Variants in STK3 observed in about 807,000 individuals in gnomAD.
STK3 encodes the protein serine/threonine kinase 3.
In STK3, 41 loss-of-function variants were observed where a neutral mutation model predicts 58.0. The ratio of observed to expected loss-of-function variants is 0.71; its 90% confidence interval spans 0.55 to 0.92. The LOEUF (loss-of-function observed/expected upper bound fraction) is 0.92, where lower values mean the gene tolerates loss of function less well. STK3 is among the 40% of genes least tolerant of loss of function. The probability of loss-of-function intolerance (pLI) is 0.00; values close to 1 mark genes in which losing one functional copy is unlikely to be tolerated. For synonymous variants in STK3, 170 were observed against 191.0 expected, an observed-to-expected ratio of 0.89 and a Z score of 0.91; for missense variants, 479 against 602.7, an observed-to-expected ratio of 0.79 and a Z score of 2.15.
intron 3 of STK3, among the ~76,000 whole-genome samples, chr8:98,836,301 G>A (rs908875029): frequency 6.6e-6 from 1 of 152,166 alleles, no homozygotes; most frequent in Admixed American, 6.5e-5. Flanking sequence ...CCTGGTGAGG[G>A]CCAACTTCCT....
chr8:98,777,014 C>A (rs1433488509), intron 1 of STK3, among the ~76,000 whole-genome samples: 1 of 150,898 alleles, frequency 6.6e-6, no homozygotes, highest in Non-Finnish European at 1.5e-5. Context: ...CGCGCCGCTG[C>A]ACTCCAGCCT....
chr8:98,709,510 C>A (rs1184667748), intron 4 of STK3, among the ~76,000 whole-genome samples: 1 of 152,088 alleles, frequency 6.6e-6, no homozygotes, highest in African/African-American at 2.4e-5. Context: ...CAACTAAGAC[C>A]AATATCCCTT....
chr8:98,752,946 C>CA (rs35305701), intron 3 of STK3, among the ~76,000 whole-genome samples: 39,376 of 128,148 alleles, frequency 0.31, 5,874 homozygotes, highest in East Asian at 0.46. Flanking sequence ...ATTAAAAAGT[C>CA]AAAAAAAAAA....
chr8:98,839,907 A>G (rs1034594995), intron 3 of STK3, among the ~76,000 whole-genome samples: 7 of 152,232 alleles, frequency 4.6e-5, no homozygotes, highest in African/African-American at 1.7e-4. Flanking sequence ...ATCAGTTGTT[A>G]TAAAATACCG....
At chr8:98,822,910 C>A (rs1011365154) in intron 1 of STK3, among the ~76,000 whole-genome samples, 1 of 152,206 alleles carries the variant, frequency 6.6e-6, no homozygotes, top group African/African-American at 2.4e-5. Context: ...CGCCTGTAAT[C>A]CCAGCCTCTC....
intron 4 of STK3, among the ~76,000 whole-genome samples, chr8:98,731,846 C>T (rs898901806): frequency 2.0e-5 from 3 of 152,102 alleles, no homozygotes; most frequent in Non-Finnish European, 4.4e-5. Context: ...CCAGTGCTTA[C>T]GGTGAGACCT....
chr8:98,652,621 A>G (rs1481658812), intron 6 of STK3, among the ~76,000 whole-genome samples: 1 of 147,060 alleles, frequency 6.8e-6, no homozygotes, highest in East Asian at 2.0e-4. Context: ...GGCTCAAAAT[A>G]AAAGGATGGA....
chr8:98,577,222 C>T (rs892140887), intron 8 of STK3, among the ~76,000 whole-genome samples: 1 of 152,212 alleles, frequency 6.6e-6, no homozygotes, highest in Non-Finnish European at 1.5e-5. Context: ...CGCAGTGGCT[C>T]ATGCCTGTAA....
At chr8:98,394,734 A>C (rs1475219363) in intron 3 of STK3, among the ~76,000 whole-genome samples, 1 of 152,230 alleles carries the variant, frequency 6.6e-6, no homozygotes, top group African/African-American at 2.4e-5. Flanking sequence ...TGTACACATG[A>C]AGAAAGTGAA....
At position 98,459,643 on chromosome 8, in the gene STK3, C is replaced by T. The variant is rs539344961; in HGVS notation, c.1318-3643G>A. Among the ~76,000 whole-genome samples the T allele has an allele frequency of 4.1e-4, 63 of 152,320 alleles. No individual in the cohort carries two copies. The South Asian group carries it at 0.013, about 32-fold the overall frequency. On this transcript the variant is annotated intron_variant, in intron 10 of 10. Coordinates refer to ENST00000419617, the MANE Select transcript of STK3 (RefSeq NM_006281.4). ...TAGGAGGAAAATTAGTTTCATGGGC[C>T]AGGCCCAGGGGCCCTGCTACTCTGT...
intron 4 of STK3, among the ~76,000 whole-genome samples, chr8:98,727,353 A>T (rs1313816637): frequency 6.6e-6 from 1 of 152,238 alleles, no homozygotes; most frequent in Non-Finnish European, 1.5e-5. Context: ...GAGGTATCAG[A>T]ACAAAAACAT....
intron 10 of STK3, among the ~76,000 whole-genome samples, chr8:98,457,057 A>G (rs1819546218): frequency 6.6e-6 from 1 of 152,244 alleles, no homozygotes; most frequent in Admixed American, 6.5e-5. Flanking sequence ...GCAGGCTTCC[A>G]TGATGATGAC....
rs190550457 is a variant in STK3 at position 98,781,727 on chromosome 8, G to A, written c.27-6908C>T. On this transcript the variant is annotated intron_variant, in intron 1 of 10. Transcript: ENST00000419617. Reference sequence around the variant, plus strand: ...AACTTGCTTAACTGCCTACCAGAACGAGTCTGTAACTTCTTAAGCAAAGCA... The same window carrying A: ...AACTTGCTTAACTGCCTACCAGAACAAGTCTGTAACTTCTTAAGCAAAGCA... Among the ~76,000 whole-genome samples, 116 of 152,094 alleles carry A rather than the reference G, an allele frequency of 7.6e-4. 1 individual carries two copies. Among genetic ancestry groups the A allele is most frequent in the Middle Eastern group, 6.8e-3 (2 of 294 alleles).
At chr8:98,915,372 C>CCTGCAGA (rs1371937849) in intron 1 of STK3, among the ~76,000 whole-genome samples, 1 of 146,560 alleles carries the variant, frequency 6.8e-6, no homozygotes, top group African/African-American at 2.6e-5. Flanking sequence ...TGCTCCTCAG[C>CCTGCAGA]CTGCAGACGG....
chr8:98,521,408 A>C (rs184543658), intron 10 of STK3, among the ~76,000 whole-genome samples: 2 of 152,080 alleles, frequency 1.3e-5, no homozygotes, highest in Admixed American at 1.3e-4. Flanking sequence ...TATTTCTGTT[A>C]ATCTTTCCTC....
chr8:98,822,401 G>C (rs1392520145), intron 1 of STK3, among the ~76,000 whole-genome samples: 7 of 152,056 alleles, frequency 4.6e-5, no homozygotes, highest in Admixed American at 4.6e-4. Context: ...ACCTCCCACT[G>C]CTGGGCTCAA....
chr8:98,803,602 AAAAAAAG>A (rs567557639), intron 1 of STK3, among the ~76,000 whole-genome samples: 6,241 of 143,332 alleles, frequency 0.044, 228 homozygotes, highest in African/African-American at 0.086. Context: ...TCAAAAAAAA[AAAAAAAG>A]AAAAAAAAAG....
chr8:98,720,347 T>C (rs1400429134), intron 4 of STK3, among the ~76,000 whole-genome samples: 1 of 152,210 alleles, frequency 6.6e-6, no homozygotes, highest in Admixed American at 6.5e-5. Context: ...GACTACCGAA[T>C]GTCATACAAC....
chr8:98,842,789 T>A (rs766555063), intron 3 of STK3, among the ~76,000 whole-genome samples: 1 of 152,066 alleles, frequency 6.6e-6, no homozygotes, highest in Non-Finnish European at 1.5e-5. Context: ...TTGTTTGAGC[T>A]CAGGAGTTTG....
Sources: allele counts gnomAD v4.1 joint callset (sites outside exome capture counted in the v4.1 genomes callset), GRCh38; gene constraint gnomAD v4.1.1; transcripts MANE v1.5; gene names NCBI Gene and HGNC (gene_info 2026-07-23, HGNC 2026-07-21).